The following CCR5AS variants were observed in gnomAD, a reference collection of about 807,000 sequenced individuals.
The protein encoded by CCR5AS is CCR5 antisense RNA.
At chr3:46,392,586 C>T (rs528598547) in intron 2 of CCR5AS, among the ~76,000 whole-genome samples, 5 of 152,230 alleles carry the variant, frequency 3.3e-5, no homozygotes, top group Non-Finnish European at 5.9e-5. Context: ...GGCATCCCCC[C>T]GGTGATCAGA....
At chr3:46,371,716 A>G (rs1418860424) in intron 2 of CCR5AS, among the ~76,000 whole-genome samples, 3 of 152,170 alleles carry the variant, frequency 2.0e-5, no homozygotes, top group Admixed American at 6.5e-5. Context: ...CAGACGAAAC[A>G]TTTTTTATTA....
At chr3:46,402,761 C>T (rs113720780) in intron 1 of CCR5AS, among the ~76,000 whole-genome samples, 9,115 of 152,138 alleles carry the variant, frequency 0.06, 911 homozygotes, top group African/African-American at 0.21. Flanking sequence ...ATTTTAGGTT[C>T]TGGGGTACAT....
chr3:46,366,525 G>A (rs1475474770), intron 3 of CCR5AS, among the ~76,000 whole-genome samples: 1 of 152,224 alleles, frequency 6.6e-6, no homozygotes, highest in Admixed American at 6.5e-5. Context: ...CCAGGTTTGA[G>A]CCTATCTAAT....
intron 1 of CCR5AS, among the ~76,000 whole-genome samples, chr3:46,406,250 T>G (rs1702045701): frequency 6.6e-6 from 1 of 152,142 alleles, no homozygotes; most frequent in Admixed American, 6.5e-5. Flanking sequence ...ACATCTTTGG[T>G]GGGAAAAGGA....
rs780937792 is a variant in CCR5AS at position 46,403,262 on chromosome 3, T to C, written n.163+3635A>G. ...ATTCCTCTGGGTGTATACCCAGTAATGGGATTTCTGTTTTTAGCTCTTTGA... is the reference window on the plus strand; with the variant it reads ...ATTCCTCTGGGTGTATACCCAGTAACGGGATTTCTGTTTTTAGCTCTTTGA... On this transcript the variant is annotated intron_variant and non_coding_transcript_variant, in intron 1 of 3. Coordinates refer to ENST00000451485, the Ensembl canonical transcript of CCR5AS. Among the ~76,000 whole-genome samples, 10 of 152,226 alleles carry C rather than the reference T, an allele frequency of 6.6e-5. No individual in the cohort carries two copies. In the South Asian group the frequency reaches 2.1e-3, roughly 32 times the overall value.
Position 46,382,469 on chromosome 3 carries a change from C to T in CCR5AS, n.391+10356G>A, listed in dbSNP as rs146466334. Among the ~76,000 whole-genome samples, 675 of 152,346 alleles carry T rather than the reference C, an allele frequency of 4.4e-3. 1 individual carries two copies. Among genetic ancestry groups the T allele is most frequent in the Admixed American group, 8.3e-3 (127 of 15,304 alleles). Reference sequence around the variant, plus strand: ...TGCCTATTACACTTCCGCTCTTAAACTCACTGCTCATGTGTTAGCATCCTT... The same window carrying T: ...TGCCTATTACACTTCCGCTCTTAAATTCACTGCTCATGTGTTAGCATCCTT... On this transcript the variant is annotated intron_variant and non_coding_transcript_variant, in intron 2 of 3. Transcript: ENST00000451485.
At chr3:46,373,227 T>G (rs971864402) in intron 2 of CCR5AS, 1 of 1,614,114 alleles carries the variant, frequency 6.2e-7, no homozygotes. Flanking sequence ...AGGGCTCTAT[T>G]TTATAGGCTT....
Position 46,373,434 on chromosome 3 carries a change from T to C in CCR5AS, n.392-2017A>G, listed in dbSNP as rs199824195. ...TCAAAAAGAAGGTCTTCATTACACC[T>C]GCAGCTCTCATTTTCCATACAGTCA... is the stretch of plus-strand genomic sequence containing the variant. On this transcript the variant is annotated intron_variant and non_coding_transcript_variant, in intron 2 of 3. Coordinates refer to ENST00000451485, the Ensembl canonical transcript of CCR5AS. 1.2e-5 allele frequency: 19 copies of C among 1,612,336 alleles called. No homozygotes were observed. In the East Asian group the frequency reaches 4.2e-4, roughly 36 times the overall value.
intron 2 of CCR5AS, chr3:46,375,026 A>G (rs1292624573): frequency 6.0e-6 from 1 of 167,490 alleles, no homozygotes; most frequent in Admixed American, 6.5e-5. Flanking sequence ...CCTAGTCTTC[A>G]AGCAGATTGG....
intron 1 of CCR5AS, among the ~76,000 whole-genome samples, chr3:46,393,455 A>T: frequency 7.4e-6 from 1 of 134,758 alleles, no homozygotes; most frequent in Non-Finnish European, 1.6e-5. Context: ...TGGGCAACAG[A>T]GCCACAAAAA....
intron 2 of CCR5AS, among the ~76,000 whole-genome samples, chr3:46,385,937 T>C (rs1426739342): frequency 6.6e-6 from 1 of 151,972 alleles, no homozygotes; most frequent in African/African-American, 2.4e-5. Flanking sequence ...AGATGGGGTT[T>C]CACCATATTT....
intron 2 of CCR5AS, among the ~76,000 whole-genome samples, chr3:46,383,876 A>G (rs1189140340): frequency 2.0e-5 from 3 of 152,214 alleles, no homozygotes; most frequent in Non-Finnish European, 4.4e-5. Flanking sequence ...AACTCATGCC[A>G]TGAAAGAGAG....
At chr3:46,373,092 A>C in intron 2 of CCR5AS, 1 of 1,614,202 alleles carries the variant, frequency 6.2e-7, no homozygotes, top group Non-Finnish European at 8.5e-7. Context: ...GCTGAAGAGC[A>C]TGACTGACAT....
intron 1 of CCR5AS, among the ~76,000 whole-genome samples, chr3:46,395,421 G>A (rs1483652608): frequency 2.6e-5 from 4 of 152,118 alleles, no homozygotes; most frequent in African/African-American, 9.7e-5. Context: ...AGGCAGCAAA[G>A]GGAGCCCTAA....
intron 2 of CCR5AS, among the ~76,000 whole-genome samples, chr3:46,387,618 G>A (rs1293263475): frequency 6.6e-6 from 1 of 152,176 alleles, no homozygotes; most frequent in Non-Finnish European, 1.5e-5. Context: ...GGGTGGTGGT[G>A]TGCACCTGCA....
intron 2 of CCR5AS, among the ~76,000 whole-genome samples, chr3:46,378,486 A>G (rs1412227359): frequency 6.6e-6 from 1 of 151,956 alleles, no homozygotes; most frequent in African/African-American, 2.4e-5. Context: ...TAAAGCATTC[A>G]TGGAAGAGTG....
intron 3 of CCR5AS, among the ~76,000 whole-genome samples, chr3:46,367,310 A>G (rs145098819): frequency 6.6e-6 from 1 of 151,810 alleles, no homozygotes; most frequent in Non-Finnish European, 1.5e-5. Flanking sequence ...AAAGAACTAC[A>G]CTTATAAAGA....
chr3:46,384,444 C>T (rs1416585816), intron 2 of CCR5AS, among the ~76,000 whole-genome samples: 4 of 152,224 alleles, frequency 2.6e-5, no homozygotes, highest in Non-Finnish European at 5.9e-5. Context: ...TTGCAAGCTT[C>T]CAGATTGCTT....
chr3:46,373,163 T>G, intron 2 of CCR5AS: 1 of 1,614,080 alleles, frequency 6.2e-7, no homozygotes, highest in Non-Finnish European at 8.5e-7. Context: ...CCTTCTGGGC[T>G]CACTATGCTG....
Sources: gnomAD v4.1 joint callset for allele counts (sites outside exome capture counted in the v4.1 genomes callset) on GRCh38, gnomAD v4.1.1 for gene constraint, MANE v1.5 for transcripts, NCBI Gene and HGNC (gene_info 2026-07-23, HGNC 2026-07-21) for gene names.